Variants in RBMS3 observed in about 807,000 individuals in gnomAD.
The protein encoded by RBMS3 is RNA binding motif single stranded interacting protein 3.
A neutral mutation model predicts 66.8 loss-of-function variants in RBMS3; 27 were observed. The ratio of observed to expected loss-of-function variants is 0.40; its 90% CI spans 0.30 to 0.56. The LOEUF (loss-of-function observed/expected upper bound fraction) is 0.56, where lower values mean the gene tolerates loss of function less well. RBMS3 is among the 20% of genes least tolerant of loss of function. The pLI is 0.40. For missense variants in RBMS3, 513 were observed against 549.5 expected (o/e 0.93, Z 0.66); for synonymous variants, 188 against 183.0 (o/e 1.03, Z -0.22).
rs559776752 is a variant in RBMS3 at position 29,573,082 on chromosome 3, T to G, written c.308-14032T>G. On this transcript the variant is annotated intron_variant, in intron 3 of 14. Transcript: ENST00000383767. ...GCTCACAGTAGCCATTAATGATCCT[T>G]TAAATTTCTGTGACATAAGTTTTAA... Among the ~76,000 whole-genome samples, 4 of 152,256 alleles carry G rather than the reference T, an allele frequency of 2.6e-5. No homozygotes were observed. In the South Asian group the frequency reaches 8.3e-4, roughly 32 times the overall value.
intron 6 of RBMS3, among the ~76,000 whole-genome samples, chr3:29,829,721 T>C (rs1273450584): frequency 1.3e-5 from 2 of 152,220 alleles, no homozygotes; most frequent in African/African-American, 4.8e-5. Context: ...TTTATAAAAA[T>C]TCCTATCACA....
chr3:29,418,761 T>A (rs982706929), intron 1 of RBMS3, among the ~76,000 whole-genome samples: 2 of 152,126 alleles, frequency 1.3e-5, no homozygotes, highest in African/African-American at 4.8e-5. Flanking sequence ...TTCATATGAG[T>A]CTACTGATGG....
intron 1 of RBMS3, among the ~76,000 whole-genome samples, chr3:29,295,303 AT>A (rs2033163550): frequency 1.2e-3 from 5 of 4,262 alleles, no homozygotes; most frequent in African/African-American, 2.1e-3. Flanking sequence ...ATACATATAT[AT>A]CTATATATAT....
Position 30,003,967 on chromosome 3 carries a change from T to TTTG in RBMS3, c.*120_*122dup, listed in dbSNP as rs200049589. 1.1e-5 allele frequency: 11 copies of TTTG among 1,024,872 alleles called. No homozygotes were observed. The highest frequency in any genetic ancestry group is 9.9e-5 in the African/African-American group (6 of 60,516). 63.5% of individuals were successfully genotyped at this position (1,024,872 alleles called of 1,614,324 possible). ...CACAGACGTCAATGGAATGCATTTT[T>TTTG]TTGTTGTTGTTGTTGTTTTTTTTTT... On this transcript the variant is annotated 3_prime_UTR_variant, in exon 15 of 15. Coordinates refer to ENST00000383767, the MANE Select transcript of RBMS3 (RefSeq NM_001003793.3).
In RBMS3 at chr3:29,936,163, G is replaced by C; in HGVS notation, c.1017G>C (p.Gln339His). The C allele has an allele frequency of 1.9e-6, 3 of 1,613,208 alleles. No individual in the cohort carries two copies. Among genetic ancestry groups the C allele is most frequent in the East Asian group, 2.2e-5 (1 of 44,824 alleles). The change falls in exon 11 of 15, where the codon CAG becomes CAC. Residue 339 changes from glutamine (Q) to histidine (H), a missense_variant. Physicochemically the swap from Gln to His is conservative, Grantham distance 24 (BLOSUM62 0). Transcript: ENST00000383767. ...ACATGATGGGCCCACTGACACAGCA[G>C]ATGAATCACCTTTCGTTGGGCACAA... is the stretch of plus-strand genomic sequence containing the variant. ...PANMMGPLTQQMNHLSLGTTG... is the reference protein window; with the variant it reads ...PANMMGPLTQHMNHLSLGTTG...
chr3:29,682,318 T>C (rs74989825), intron 4 of RBMS3, among the ~76,000 whole-genome samples: 16,908 of 152,124 alleles, frequency 0.11, 2,014 homozygotes, highest in African/African-American at 0.3. Flanking sequence ...GGTAATTTTT[T>C]GTTTGTTTGT....
At chr3:29,343,870 T>G (rs777366991) in intron 1 of RBMS3, among the ~76,000 whole-genome samples, 1 of 152,202 alleles carries the variant, frequency 6.6e-6, no homozygotes, top group African/African-American at 2.4e-5. Context: ...ATGTAGCAGA[T>G]TGGGCTGCAC....
At chr3:29,920,218 C>T (rs890386569) in intron 10 of RBMS3, among the ~76,000 whole-genome samples, 2 of 152,138 alleles carry the variant, frequency 1.3e-5, no homozygotes, top group African/African-American at 4.8e-5. Flanking sequence ...AATTGTCATT[C>T]ACTTTTGCTG....
At chr3:29,606,300 A>T (rs770837787) in intron 4 of RBMS3, among the ~76,000 whole-genome samples, 16 of 151,944 alleles carry the variant, frequency 1.1e-4, no homozygotes, top group Non-Finnish European at 1.6e-4. Flanking sequence ...ATCAAGGTTT[A>T]TGCAAATATT....
chr3:29,685,146 C>A (rs1576519223), intron 4 of RBMS3, among the ~76,000 whole-genome samples: 1 of 152,240 alleles, frequency 6.6e-6, no homozygotes, highest in South Asian at 2.1e-4. Context: ...GCAAGCTCCG[C>A]CTCCCGGGTT....
intron 12 of RBMS3, among the ~76,000 whole-genome samples, chr3:29,961,206 T>C (rs1272855037): frequency 2.0e-5 from 3 of 152,150 alleles, no homozygotes; most frequent in Non-Finnish European, 4.4e-5. Context: ...GCAAAATGCC[T>C]CCAGTCTCTT....
At chr3:29,823,055 A>G (rs528126417) in intron 6 of RBMS3, among the ~76,000 whole-genome samples, 308 of 152,290 alleles carry the variant, frequency 2.0e-3, no homozygotes, top group African/African-American at 7.1e-3. Flanking sequence ...ACATTTTTAA[A>G]TTCACATTTA....
intron 1 of RBMS3, among the ~76,000 whole-genome samples, chr3:29,418,333 T>C (rs2040564648): frequency 6.6e-6 from 1 of 152,170 alleles, no homozygotes; most frequent in Non-Finnish European, 1.5e-5. Context: ...GGATAGAAAC[T>C]GGTGGCCAAA....
chr3:30,008,212 G>A lies in RBMS3; in HGVS notation c.*4350G>A, dbSNP rs913938954. 5.3e-5 allele frequency: 8 copies of A among 151,788 alleles called. No individual in the cohort carries two copies. The highest frequency in any genetic ancestry group is 3.9e-4 in the East Asian group (2 of 5,178). 9.4% of individuals were successfully genotyped at this position (151,788 alleles called of 1,614,324 possible). ...TTAGGACTCTTGCAGTCATCTTCAC[G>A]ACTGAGGAGAAGTTTCAATAGGCTG... On this transcript the variant is annotated 3_prime_UTR_variant, in exon 15 of 15. Transcript: ENST00000383767.
intron 2 of RBMS3, among the ~76,000 whole-genome samples, chr3:29,484,617 T>C (rs1051765279): frequency 6.6e-6 from 1 of 152,216 alleles, no homozygotes; most frequent in African/African-American, 2.4e-5. Context: ...TGCATGACTT[T>C]GATGACCCAT....
intron 1 of RBMS3, among the ~76,000 whole-genome samples, chr3:29,314,163 A>C (rs556565151): frequency 6.6e-6 from 1 of 151,708 alleles, no homozygotes; most frequent in Non-Finnish European, 1.5e-5. Context: ...TGTTTAACTC[A>C]GTCTTCATAG....
intron 6 of RBMS3, among the ~76,000 whole-genome samples, chr3:29,858,966 T>G (rs1308145994): frequency 1.3e-5 from 2 of 152,328 alleles, no homozygotes; most frequent in South Asian, 2.1e-4. Flanking sequence ...ATTTTCTTTC[T>G]TGTAAGGCTA....
chr3:29,847,674 G>A (rs1290474296), intron 6 of RBMS3, among the ~76,000 whole-genome samples: 1 of 146,874 alleles, frequency 6.8e-6, no homozygotes. Flanking sequence ...TTATTTTTTT[G>A]AGACGGAGTC....
At chr3:29,786,737 T>G (rs1011644557) in intron 6 of RBMS3, among the ~76,000 whole-genome samples, 1 of 152,144 alleles carries the variant, frequency 6.6e-6, no homozygotes, top group African/African-American at 2.4e-5. Context: ...CCATAAAGAT[T>G]CTAGAAGATA....
Sources: gnomAD v4.1 joint callset for allele counts (sites outside exome capture counted in the v4.1 genomes callset) on GRCh38, gnomAD v4.1.1 for gene constraint, MANE v1.5 for transcripts, NCBI Gene and HGNC (gene_info 2026-07-23, HGNC 2026-07-21) for gene names.